MACROD2: variants seen among roughly 807,000 people sequenced by gnomAD.
The protein encoded by MACROD2 is ADP-ribose glycohydrolase MACROD2.
In MACROD2, 36 loss-of-function variants were observed where a neutral mutation model predicts 70.4. The ratio of observed to expected loss-of-function variants is 0.51; its 90% CI spans 0.39 to 0.68. The LOEUF is 0.68. MACROD2 is among the 30% of genes least tolerant of loss of function. MACROD2 has a pLI of 0.00. For missense variants in MACROD2, 496 were observed against 538.4 expected, an observed-to-expected ratio of 0.92 and a Z score of 0.78; for synonymous variants, 172 against 178.8, an observed-to-expected ratio of 0.96 and a Z score of 0.30.
chr20:14,986,008 T>C (rs929801523), intron 5 of MACROD2, among the ~76,000 whole-genome samples: 1 of 152,136 alleles, frequency 6.6e-6, no homozygotes, highest in African/African-American at 2.4e-5. Flanking sequence ...CCCCATGGCC[T>C]TTGATTTTAG....
rs140929269 is a variant in MACROD2 at position 14,757,314 on chromosome 20, T to G, written c.418+72355T>G. Among the ~76,000 whole-genome samples, 18 of 152,258 alleles carry G rather than the reference T, an allele frequency of 1.2e-4. No individual in the cohort carries two copies. The East Asian group carries it at 3.5e-3, about 29-fold the overall frequency. ...AAATTAAAATCTTAATTATTATATT[T>G]CACTTCTCTATAGCAAATTGAAAAA... On this transcript the variant is annotated intron_variant, in intron 5 of 17. Transcript: ENST00000684519.
intron 3 of MACROD2, among the ~76,000 whole-genome samples, chr20:14,464,574 T>C (rs891855860): frequency 1.3e-5 from 2 of 152,248 alleles, no homozygotes; most frequent in East Asian, 1.9e-4. Flanking sequence ...TGCCTTCTGC[T>C]AGCTTTTGAA....
intron 3 of MACROD2, among the ~76,000 whole-genome samples, chr20:14,132,771 T>C (rs1381656755): frequency 6.6e-6 from 1 of 152,104 alleles, no homozygotes. Flanking sequence ...CCTGAGTAGC[T>C]GGGACTACAA....
chr20:14,526,664 C>A (rs2423798), intron 4 of MACROD2, among the ~76,000 whole-genome samples: 124,735 of 152,202 alleles, frequency 0.82, 51,527 homozygotes, highest in East Asian at 1. Flanking sequence ...GCTTATGAAA[C>A]AGAAAAGGTT....
At chr20:14,048,685 G>A (rs893935967) in intron 2 of MACROD2, among the ~76,000 whole-genome samples, 1 of 151,902 alleles carries the variant, frequency 6.6e-6, no homozygotes, top group Non-Finnish European at 1.5e-5. Context: ...GAGTACTTAA[G>A]CAAAATGAAA....
intron 3 of MACROD2, among the ~76,000 whole-genome samples, chr20:14,139,637 C>T (rs186391654): frequency 6.6e-6 from 1 of 152,250 alleles, no homozygotes; most frequent in East Asian, 1.9e-4. Flanking sequence ...TGAGGCTCTA[C>T]TATTTTGAGA....
At chr20:14,107,837 G>T (rs985820761) in intron 3 of MACROD2, among the ~76,000 whole-genome samples, 1 of 151,978 alleles carries the variant, frequency 6.6e-6, no homozygotes, top group East Asian at 1.9e-4. Flanking sequence ...CAGAGAAAGA[G>T]GGATTTTATC....
At position 15,049,072 on chromosome 20, in the gene MACROD2, AT is replaced by A. The variant is rs551606655; in HGVS notation, c.419-180860del. On this transcript the variant is annotated intron_variant, in intron 5 of 17. Transcript: ENST00000684519. ...CTTATCACTTAACACAGCTTAAATT[AT>A]TTTTTTTAATGTCCAAAAGAAAGAA... is the stretch of plus-strand genomic sequence containing the variant. 3.5e-3 allele frequency among the ~76,000 whole-genome samples: 534 copies of A among 151,942 alleles called. 5 individuals are homozygous for A. The highest frequency in any genetic ancestry group is 0.012 in the African/African-American group (509 of 41,442).
chr20:15,060,945 C>T (rs1012837732), intron 5 of MACROD2, among the ~76,000 whole-genome samples: 28 of 152,080 alleles, frequency 1.8e-4, no homozygotes, highest in Non-Finnish European at 3.4e-4. Flanking sequence ...ATTACAATGC[C>T]GTGATTTTTA....
intron 1 of MACROD2, among the ~76,000 whole-genome samples, chr20:13,999,946 G>A (rs2052710086): frequency 6.6e-6 from 1 of 152,150 alleles, no homozygotes; most frequent in Non-Finnish European, 1.5e-5. Context: ...CCCAGGAGGC[G>A]GAGGTTGCAG....
chr20:15,703,686 T>A (rs2050492986), intron 8 of MACROD2, among the ~76,000 whole-genome samples: 1 of 152,110 alleles, frequency 6.6e-6, no homozygotes, highest in South Asian at 2.1e-4. Context: ...TGCTTTAGGG[T>A]GTTTCATGAA....
intron 3 of MACROD2, among the ~76,000 whole-genome samples, chr20:14,453,319 T>G (rs2084264815): frequency 6.6e-6 from 1 of 152,136 alleles, no homozygotes; most frequent in Non-Finnish European, 1.5e-5. Flanking sequence ...CTTCTTGAAA[T>G]GGTGCCATCT....
intron 8 of MACROD2, among the ~76,000 whole-genome samples, chr20:15,712,582 C>T (rs1346523488): frequency 2.0e-5 from 3 of 152,168 alleles, no homozygotes; most frequent in Admixed American, 2.0e-4. Context: ...ACCTGGAAAC[C>T]CAAACTCTCT....
intron 3 of MACROD2, among the ~76,000 whole-genome samples, chr20:14,230,212 A>C (rs1298967398): frequency 6.6e-6 from 1 of 152,058 alleles, no homozygotes; most frequent in Non-Finnish European, 1.5e-5. Context: ...GGTGTGGTTA[A>C]CTTATCCTTT....
intron 2 of MACROD2, among the ~76,000 whole-genome samples, chr20:14,016,382 AGT>A (rs1336502197): frequency 6.6e-6 from 1 of 152,146 alleles, no homozygotes; most frequent in Non-Finnish European, 1.5e-5. Context: ...CTCTCTTAAT[AGT>A]GTCCTTTGAT....
At chr20:15,163,478 A>G (rs2076362382) in intron 5 of MACROD2, among the ~76,000 whole-genome samples, 1 of 152,104 alleles carries the variant, frequency 6.6e-6, no homozygotes, top group Non-Finnish European at 1.5e-5. Flanking sequence ...TAAATCTAAT[A>G]CAACAAATTA....
intron 8 of MACROD2, among the ~76,000 whole-genome samples, chr20:15,717,142 A>G (rs2050718653): frequency 6.6e-6 from 1 of 152,256 alleles, no homozygotes; most frequent in South Asian, 2.1e-4. Flanking sequence ...GAGAAAAATT[A>G]AAACTCTCAT....
chr20:15,800,253 T>TA (rs1223949740), intron 8 of MACROD2, among the ~76,000 whole-genome samples: 2 of 152,182 alleles, frequency 1.3e-5, no homozygotes, highest in African/African-American at 2.4e-5. Flanking sequence ...ACTTTGTTGA[T>TA]AGTTTCCTTT....
chr20:15,656,286 G>A (rs1005419098), intron 8 of MACROD2, among the ~76,000 whole-genome samples: 1 of 152,170 alleles, frequency 6.6e-6, no homozygotes, highest in Non-Finnish European at 1.5e-5. Flanking sequence ...GCATAAAAGA[G>A]TCAGGCTGTA....
Sources: allele counts gnomAD v4.1 joint callset (sites outside exome capture counted in the v4.1 genomes callset), GRCh38; gene constraint gnomAD v4.1.1; transcripts MANE v1.5; gene names NCBI Gene and HGNC (gene_info 2026-07-23, HGNC 2026-07-21).